DGKD: variants seen among roughly 807,000 people sequenced by gnomAD.
DGKD encodes DAG kinase delta.
Under a neutral mutation model 154.4 loss-of-function variants are expected in DGKD, and 68 were observed. The observed-to-expected ratio is 0.44, with a 90% confidence interval of 0.36 to 0.54. DGKD has a LOEUF of 0.54. Among genes scored for constraint, DGKD ranks in the 20% least tolerant of loss-of-function variants. DGKD has a pLI of 0.00. For missense variants in DGKD, 1,343 were observed against 1,593.6 expected (o/e 0.84, Z 2.68); for synonymous variants, 693 against 638.0 (o/e 1.09, Z -1.30).
Position 233,354,802 on chromosome 2 carries a change from A to G in DGKD, c.156+128A>G, listed in dbSNP as rs950582754. 2.1e-5 allele frequency: 9 copies of G among 426,838 alleles called. No individual in the cohort carries two copies. The highest frequency in any genetic ancestry group is 9.8e-5 in the South Asian group (1 of 10,250). 26.4% of individuals were successfully genotyped at this position (426,838 alleles called of 1,614,324 possible). On this transcript the variant is annotated intron_variant, in intron 1 of 29. Transcript: ENST00000264057. This position sits in a 1 kb window ranked among gnomAD's most constrained non-coding sequence, Gnocchi z 4.8. ...CCCGGCCCGGGGTCCCGCGGGCGTC[A>G]CCGCCCCTGTCGAGCGTGCCCCGCC...
intron 3 of DGKD, among the ~76,000 whole-genome samples, chr2:233,391,202 A>G (rs1455295034): frequency 1.3e-5 from 2 of 151,200 alleles, no homozygotes; most frequent in South Asian, 2.1e-4. Flanking sequence ...TTCCTTTTTT[A>G]TGTTTAAACT....
intron 3 of DGKD, among the ~76,000 whole-genome samples, chr2:233,423,336 G>A (rs186513807): frequency 5.6e-4 from 85 of 152,242 alleles, no homozygotes; most frequent in South Asian, 1.5e-3. Flanking sequence ...CTGCCAAACC[G>A]TTTTGCAGAG....
Position 233,451,023 on chromosome 2 carries a change from G to T in DGKD, c.2140G>T (p.Ala714Ser). 1 of 1,612,048 alleles carries T rather than the reference G, an allele frequency of 6.2e-7. No homozygotes were observed. The highest frequency in any genetic ancestry group is 8.5e-7 in the Non-Finnish European group (1 of 1,178,246). Residue 714 changes from alanine (A) to serine (S), a missense_variant, in exon 17 of 30, where the codon GCG becomes TCG. Ala to Ser is a moderately conservative substitution (Grantham distance 99). Around this residue, in one of 6 missense-constraint regions of DGKD, gnomAD observed 409 missense variants for 446.0 expected, o/e 0.92. Transcript: ENST00000264057. ...GCCGGGAAGCCGGGACGGCCTGCCT[G>T]CGCTCAACACCAAGATCCTGTACCC... ...PQPGSRDGLP[A>S]LNTKILYPNV...
chr2:233,388,065 G>A lies in DGKD; in HGVS notation c.157-192G>A, dbSNP rs541530503. 5.6e-5 allele frequency: 73 copies of A among 1,305,826 alleles called. 1 individual carries two copies. In the South Asian group the frequency reaches 1.1e-3, roughly 19 times the overall value. 80.9% of individuals were successfully genotyped at this position (1,305,826 alleles called of 1,614,324 possible). A position where few individuals can be genotyped will look rare whatever the true frequency, so the allele number is the denominator to read the frequency against. ...GGCACACATTGCCCCTTAGAGGACA[G>A]GATTGGTGCAACCCCCCATGCCCCC... is the stretch of plus-strand genomic sequence containing the variant. On this transcript the variant is annotated intron_variant, in intron 1 of 29. Coordinates refer to ENST00000264057, the MANE Select transcript of DGKD (RefSeq NM_152879.3).
chr2:233,384,516 C>T (rs952819846), intron 1 of DGKD, among the ~76,000 whole-genome samples: 2 of 152,172 alleles, frequency 1.3e-5, no homozygotes, highest in East Asian at 1.9e-4. Flanking sequence ...ACTCCCCTGA[C>T]GTCCTCGAGG....
chr2:233,432,421 A>G lies in DGKD; in HGVS notation c.349-1959A>G, dbSNP rs183792819. ...ACGCCTGTAATCCCAGCACTTTGGA[A>G]GGCCAAGGTGGGCAGATCATGAGGT... On this transcript the variant is annotated intron_variant, in intron 3 of 29. Transcript: ENST00000264057. Among the ~76,000 whole-genome samples, 7 of 150,992 alleles carry G rather than the reference A, an allele frequency of 4.6e-5. No homozygotes were observed. The East Asian group carries it at 1.4e-3, about 31-fold the overall frequency.
Position 233,459,876 on chromosome 2 carries a change from A to G in DGKD, c.2814A>G (p.Thr938=), listed in dbSNP as rs1223488011. 1.2e-6 allele frequency: 2 copies of G among 1,613,962 alleles called. No individual in the cohort carries two copies. Among genetic ancestry groups the G allele is most frequent in the South Asian group, 2.2e-5 (2 of 91,072 alleles). ...TTGTCCACAAGAACCGGGCACAGAC[A>G]CTGACCAGAGACAGGGTAAGAGCGG... ...IRIVHKNRAQ[T]LTRDRAFEST... The change falls in exon 23 of 30, where the codon ACA becomes ACG. Residue 938 remains threonine, a synonymous_variant. Transcript: ENST00000264057. This position sits in a 1 kb window ranked among gnomAD's most constrained non-coding sequence, Gnocchi z 5.7.
At chr2:233,398,053 T>C (rs1002658299) in intron 3 of DGKD, among the ~76,000 whole-genome samples, 3 of 151,870 alleles carry the variant, frequency 2.0e-5, no homozygotes, top group Non-Finnish European at 2.9e-5. Flanking sequence ...TGTTACTACA[T>C]TTACTTGCAA....
intron 3 of DGKD, among the ~76,000 whole-genome samples, chr2:233,407,063 A>G (rs539942492): frequency 6.6e-5 from 10 of 152,292 alleles, no homozygotes; most frequent in South Asian, 2.1e-4. Flanking sequence ...CTGAGACTCA[A>G]TTTTCTCATC....
At chr2:233,393,171 C>T (rs1175195322) in intron 3 of DGKD, among the ~76,000 whole-genome samples, 1 of 151,164 alleles carries the variant, frequency 6.6e-6, no homozygotes, top group African/African-American at 2.4e-5. Context: ...ATTGCAGGCA[C>T]CTGCCACCAC....
chr2:233,386,733 T>C (rs1261325520), intron 1 of DGKD, among the ~76,000 whole-genome samples: 1 of 152,206 alleles, frequency 6.6e-6, no homozygotes, highest in African/African-American at 2.4e-5. Context: ...CAGTAGATTC[T>C]TCAGCAGCTC....
chr2:233,444,441 C>G (rs1442653722), intron 10 of DGKD, among the ~76,000 whole-genome samples: 1 of 151,772 alleles, frequency 6.6e-6, no homozygotes, highest in Non-Finnish European at 1.5e-5. Flanking sequence ...AGCTTTGCCT[C>G]CTGCTTGCTT....
intron 3 of DGKD, chr2:233,429,064 A>G (rs1575102003): frequency 3.2e-6 from 3 of 949,994 alleles, no homozygotes; most frequent in Non-Finnish European, 3.8e-6. Flanking sequence ...GCTGTCTAGT[A>G]GTGCCCAATA....
At chr2:233,362,730 G>A (rs1701841605) in intron 1 of DGKD, among the ~76,000 whole-genome samples, 1 of 152,342 alleles carries the variant, frequency 6.6e-6, no homozygotes, top group Admixed American at 6.5e-5. Flanking sequence ...AGATTCGATA[G>A]CCGTATGAAC....
At chr2:233,396,120 T>A (rs1430525954) in intron 3 of DGKD, among the ~76,000 whole-genome samples, 1 of 152,180 alleles carries the variant, frequency 6.6e-6, no homozygotes, top group East Asian at 1.9e-4. Context: ...ATGTTGGTGT[T>A]GCAGGGGGTT....
Position 233,449,227 on chromosome 2 carries a change from C to G in DGKD, c.1739C>G (p.Ser580Trp). 2.5e-6 allele frequency: 4 copies of G among 1,613,894 alleles called. No individual in the cohort carries two copies. Among genetic ancestry groups the G allele is most frequent in the Non-Finnish European group, 3.4e-6 (4 of 1,179,998 alleles). ...GAGGAGGCTGAAGATGGAGATGGGTCGGGCAGCATCTGCGGTTCCACCGGA... is the reference window on the plus strand; with the variant it reads ...GAGGAGGCTGAAGATGGAGATGGGTGGGGCAGCATCTGCGGTTCCACCGGA... The part of the protein sequence containing the change: ...IAEEAEDGDG[S>W]GSICGSTGDR... Residue 580 changes from serine (S) to tryptophan (W), a missense_variant, in exon 15 of 30, where the codon TCG becomes TGG. Transcript: ENST00000264057. This position sits in a 1 kb window ranked among gnomAD's most constrained non-coding sequence, Gnocchi z 5.3.
chr2:233,409,924 G>A (rs188727152), intron 3 of DGKD, among the ~76,000 whole-genome samples: 17 of 151,860 alleles, frequency 1.1e-4, no homozygotes, highest in African/African-American at 4.1e-4. Flanking sequence ...CTGCCTCCAG[G>A]CCTGTGGCTG....
rs139149715 is a variant in DGKD, at chr2:233,445,642, C to T, written c.1214C>T (p.Pro405Leu). The T allele has an allele frequency of 3.7e-6, 6 of 1,610,234 alleles. No individual in the cohort carries two copies. The highest frequency in any genetic ancestry group is 4.2e-6 in the Non-Finnish European group (5 of 1,178,156). Residue 405 changes from proline (P) to leucine (L), a missense_variant, in exon 11 of 30, where the codon CCG (proline) becomes CTG (leucine). Physicochemically the swap from Pro to Leu is moderately conservative, Grantham distance 98. Transcript: ENST00000264057. The surrounding 1 kb of genome is among the most constrained non-coding windows in gnomAD (Gnocchi z 5.5). ...LHKQCQLGVL[P>L]LGTGNDLARV... Reference sequence around the variant, plus strand: ...CCTTAGTGTCAGCTGGGAGTGCTGCCGCTCGGCACAGGGAACGACTTGGCC... The same window carrying T: ...CCTTAGTGTCAGCTGGGAGTGCTGCTGCTCGGCACAGGGAACGACTTGGCC...
chr2:233,386,510 A>G (rs1415486815), intron 1 of DGKD, among the ~76,000 whole-genome samples: 2 of 120,408 alleles, frequency 1.7e-5, no homozygotes, highest in African/African-American at 6.4e-5. Context: ...ACGGGACCTC[A>G]GATGCTAACT....
Sources: allele counts gnomAD v4.1 joint callset (sites outside exome capture counted in the v4.1 genomes callset), GRCh38; gene constraint gnomAD v4.1.1; regional missense constraint gnomAD v4.1.1; non-coding constraint Gnocchi (gnomAD v3.1); transcripts MANE v1.5; gene names NCBI Gene and HGNC (gene_info 2026-07-23, HGNC 2026-07-21).